Variants in NKAIN2 observed in about 807,000 individuals in gnomAD.
The protein encoded by NKAIN2 is sodium/potassium transporting ATPase interacting 2.
NKAIN2 carries 14 observed loss-of-function variants against 32.6 expected under a neutral mutation model. The ratio of observed to expected loss-of-function variants is 0.43; its 90% CI spans 0.28 to 0.67. The LOEUF (loss-of-function observed/expected upper bound fraction) is 0.67. Ranked by LOEUF, NKAIN2 falls within the 30% of genes least tolerant of loss-of-function variation. The pLI, the probability that NKAIN2 is intolerant of heterozygous loss-of-function variation, is 0.17. For missense variants in NKAIN2, 198 were observed against 258.3 expected (o/e 0.77, Z 1.60); for synonymous variants, 80 against 87.2 (o/e 0.92, Z 0.46).
intron 1 of NKAIN2, among the ~76,000 whole-genome samples, chr6:124,014,210 AT>A (rs1248663586): frequency 6.6e-6 from 1 of 152,320 alleles, no homozygotes; most frequent in East Asian, 1.9e-4. Context: ...TGAAAATTGA[AT>A]AAAAAAGATA....
At chr6:124,420,195 G>A (rs1774684359) in intron 3 of NKAIN2, among the ~76,000 whole-genome samples, 1 of 151,914 alleles carries the variant, frequency 6.6e-6, no homozygotes, top group Non-Finnish European at 1.5e-5. Context: ...TCTTTTCTGT[G>A]GGCATTAATG....
rs533499956 is a variant in NKAIN2, at chr6:124,391,274, T to C, written c.273+35927T>C. ...AAATTATTCTTGTCACAAACTTACC[T>C]GTCAGCTGATGAAGTGATGTTTATA... On this transcript the variant is annotated intron_variant, in intron 3 of 6. Transcript: ENST00000368417. Among the ~76,000 whole-genome samples the C allele has an allele frequency of 9.9e-5, 15 of 152,280 alleles. No individual in the cohort carries two copies. The South Asian group carries it at 1.9e-3, about 19-fold the overall frequency.
intron 1 of NKAIN2, among the ~76,000 whole-genome samples, chr6:123,842,222 A>G (rs1475977796): frequency 6.6e-6 from 1 of 152,160 alleles, no homozygotes; most frequent in Non-Finnish European, 1.5e-5. Context: ...ACAAAATACC[A>G]CACACTGGGT....
At chr6:124,306,299 G>A (rs1796502517) in intron 2 of NKAIN2, among the ~76,000 whole-genome samples, 1 of 152,074 alleles carries the variant, frequency 6.6e-6, no homozygotes, top group African/African-American at 2.4e-5. Context: ...AGGGAACACT[G>A]CAATAGCCTT....
chr6:124,818,511 A>G (rs373253652), intron 6 of NKAIN2, 43 bp downstream of exon 6: 1 of 853,902 alleles, frequency 1.2e-6, no homozygotes, highest in Non-Finnish European at 1.9e-6. Flanking sequence ...GGTACTAAAG[A>G]TAATCAAGTA....
intron 4 of NKAIN2, among the ~76,000 whole-genome samples, chr6:124,696,519 C>T (rs375250402): frequency 2.2e-4 from 34 of 152,122 alleles, no homozygotes; most frequent in Middle Eastern, 3.4e-3. Context: ...TGCTGTCTAC[C>T]GGACAAAAAA....
intron 1 of NKAIN2, among the ~76,000 whole-genome samples, chr6:124,074,870 T>C (rs1783621392): frequency 6.6e-6 from 1 of 151,326 alleles, no homozygotes. Context: ...GTAATTACTT[T>C]AGCATTTTCC....
At chr6:124,433,880 ATTG>A (rs1232141158) in intron 3 of NKAIN2, among the ~76,000 whole-genome samples, 2 of 151,990 alleles carry the variant, frequency 1.3e-5, no homozygotes, top group Admixed American at 6.6e-5. Flanking sequence ...AGCATTTGGG[ATTG>A]TTTGTTTTTG....
intron 3 of NKAIN2, among the ~76,000 whole-genome samples, chr6:124,405,525 CT>C (rs1221012935): frequency 6.7e-6 from 1 of 148,708 alleles, no homozygotes; most frequent in Non-Finnish European, 1.5e-5. Context: ...ATATAAAAAC[CT>C]TTTGTTTTGT....
chr6:124,346,473 C>T (rs1025466244), intron 2 of NKAIN2, among the ~76,000 whole-genome samples: 2 of 152,116 alleles, frequency 1.3e-5, no homozygotes, highest in African/African-American at 4.8e-5. Context: ...GAGTCTAAGT[C>T]TCTTTGTAGG....
chr6:123,954,923 C>T (rs1777497291), intron 1 of NKAIN2, among the ~76,000 whole-genome samples: 2 of 151,816 alleles, frequency 1.3e-5, no homozygotes, highest in African/African-American at 2.4e-5. Context: ...GAGAAGAAAT[C>T]AGTGATTTAG....
chr6:124,217,453 G>T (rs1470973778), intron 1 of NKAIN2, among the ~76,000 whole-genome samples: 1 of 151,892 alleles, frequency 6.6e-6, no homozygotes, highest in East Asian at 1.9e-4. Context: ...AAGTCTTTCA[G>T]GGGGTGTTTT....
At chr6:124,489,359 T>C (rs975613700) in intron 3 of NKAIN2, among the ~76,000 whole-genome samples, 37 of 151,942 alleles carry the variant, frequency 2.4e-4, no homozygotes, top group Admixed American at 1.3e-4. Flanking sequence ...GTTTATCACC[T>C]TCAAGATCTG....
At chr6:124,237,993 G>A (rs1019337746) in intron 1 of NKAIN2, among the ~76,000 whole-genome samples, 2 of 152,038 alleles carry the variant, frequency 1.3e-5, no homozygotes, top group African/African-American at 4.8e-5. Context: ...TAGCACAAGA[G>A]AACTAACACG....
intron 4 of NKAIN2, among the ~76,000 whole-genome samples, chr6:124,686,872 G>A (rs546711878): frequency 6.6e-6 from 1 of 152,194 alleles, no homozygotes; most frequent in South Asian, 2.1e-4. Flanking sequence ...GGCTGGGAAA[G>A]GCAGACACAC....
At chr6:123,813,487 T>C (rs955696174) in intron 1 of NKAIN2, among the ~76,000 whole-genome samples, 11 of 152,170 alleles carry the variant, frequency 7.2e-5, no homozygotes, top group Non-Finnish European at 1.0e-4. Context: ...GGAACTGTTA[T>C]AGAATTACAT....
chr6:124,340,326 A>G (rs1291829008), intron 2 of NKAIN2, among the ~76,000 whole-genome samples: 2 of 152,164 alleles, frequency 1.3e-5, no homozygotes, highest in African/African-American at 4.8e-5. Context: ...TACATGAACA[A>G]AAATCACTAT....
intron 3 of NKAIN2, among the ~76,000 whole-genome samples, chr6:124,435,304 GA>G (rs1213225570): frequency 1.3e-5 from 2 of 152,092 alleles, no homozygotes; most frequent in African/African-American, 4.8e-5. Flanking sequence ...GTATGGAGCA[GA>G]AGACTTCAAA....
At chr6:123,824,706 C>T (rs946066194) in intron 1 of NKAIN2, among the ~76,000 whole-genome samples, 44 of 150,006 alleles carry the variant, frequency 2.9e-4, no homozygotes, top group Non-Finnish European at 8.8e-5. Context: ...ACATGTTCTA[C>T]ACATGTATCC....
Sources: gnomAD v4.1 joint callset for allele counts (sites outside exome capture counted in the v4.1 genomes callset) on GRCh38, gnomAD v4.1.1 for gene constraint, MANE v1.5 for transcripts, NCBI Gene and HGNC (gene_info 2026-07-23, HGNC 2026-07-21) for gene names.